Variants in EGFLAM observed in about 807,000 individuals in gnomAD.
EGFLAM encodes pikachurin.
In EGFLAM, 79 loss-of-function variants were observed where a neutral mutation model predicts 113.1. The ratio of observed to expected loss-of-function variants is 0.70; its 90% CI spans 0.58 to 0.84. The LOEUF is 0.84. Among genes scored for constraint, EGFLAM ranks in the 40% least tolerant of loss-of-function variants. EGFLAM has a pLI of 0.00. For synonymous variants in EGFLAM, 504 were observed against 487.6 expected (o/e 1.03, Z -0.44); for missense variants, 1,265 against 1,291.6 (o/e 0.98, Z 0.32).
At chr5:38,355,351 G>A (rs1054915432) in intron 5 of EGFLAM, among the ~76,000 whole-genome samples, 3 of 152,118 alleles carry the variant, frequency 2.0e-5, no homozygotes, top group African/African-American at 4.8e-5. Flanking sequence ...TATGATGAAG[G>A]GGGGAGTCTG....
chr5:38,407,943 C>T, intron 9 of EGFLAM, 38 bp downstream of exon 9: 1 of 1,457,414 alleles, frequency 6.9e-7, no homozygotes. Flanking sequence ...GCTTTTTGGA[C>T]ACTTTAACAC....
At chr5:38,439,895 A>G (rs1049682659) in intron 17 of EGFLAM, among the ~76,000 whole-genome samples, 1 of 152,234 alleles carries the variant, frequency 6.6e-6, no homozygotes, top group Admixed American at 6.5e-5. Context: ...CCGTATATCT[A>G]ACATTAATGG....
At position 38,376,835 on chromosome 5, in the gene EGFLAM, T is replaced by A. The variant is rs1740376926; in HGVS notation, c.712+6373T>A. ...ATAGGCACATACCATCACGCCTGACTAATTTTTGTATTTTTTGTAGAGACA... is the reference window on the plus strand; with the variant it reads ...ATAGGCACATACCATCACGCCTGACAAATTTTTGTATTTTTTGTAGAGACA... On this transcript the variant is annotated intron_variant, in intron 6 of 21. Transcript: ENST00000322350. Among the ~76,000 whole-genome samples, 4 of 152,078 alleles carry A rather than the reference T, an allele frequency of 2.6e-5. No individual in the cohort carries two copies. In the South Asian group the frequency reaches 8.3e-4, roughly 32 times the overall value.
intron 16 of EGFLAM, among the ~76,000 whole-genome samples, chr5:38,435,573 T>C (rs1479602597): frequency 6.6e-6 from 1 of 152,094 alleles, no homozygotes; most frequent in Non-Finnish European, 1.5e-5. Context: ...ACTTCCACAG[T>C]AGGGAAGGAG....
chr5:38,427,334 A>G, intron 14 of EGFLAM, 82 bp downstream of exon 14: 11 of 1,562,016 alleles, frequency 7.0e-6, no homozygotes, highest in Non-Finnish European at 9.5e-6. Context: ...ATCGCCATTC[A>G]ACAGCTCACA....
chr5:38,340,724 T>G (rs1273517905), intron 3 of EGFLAM, among the ~76,000 whole-genome samples: 1 of 152,004 alleles, frequency 6.6e-6, no homozygotes, highest in Non-Finnish European at 1.5e-5. Flanking sequence ...AAAGGCAGAC[T>G]CAAGGGAGGG....
At chr5:38,414,420 G>A (rs1160509210) in intron 11 of EGFLAM, among the ~76,000 whole-genome samples, 3 of 152,188 alleles carry the variant, frequency 2.0e-5, no homozygotes, top group Admixed American at 6.5e-5. Context: ...CGCTTAAAGT[G>A]GGGGAAGTTC....
intron 5 of EGFLAM, among the ~76,000 whole-genome samples, chr5:38,361,118 A>T (rs1450341062): frequency 6.6e-6 from 1 of 150,568 alleles, no homozygotes; most frequent in African/African-American, 2.4e-5. Flanking sequence ...CACCCACCTC[A>T]GCCTCCCAAA....
intron 6 of EGFLAM, among the ~76,000 whole-genome samples, chr5:38,381,595 T>C (rs1365099544): frequency 1.3e-5 from 2 of 152,172 alleles, no homozygotes; most frequent in African/African-American, 4.8e-5. Flanking sequence ...AGCTTAGTCA[T>C]GTGCTAATTG....
At chr5:38,326,801 AT>A (rs377427126) in intron 1 of EGFLAM, among the ~76,000 whole-genome samples, 3,531 of 134,392 alleles carry the variant, frequency 0.026, 123 homozygotes, top group African/African-American at 0.082. Context: ...CCGTAAGGGT[AT>A]TTTTTTTTTT....
At chr5:38,419,977 G>A (rs1741774040) in intron 12 of EGFLAM, among the ~76,000 whole-genome samples, 1 of 152,106 alleles carries the variant, frequency 6.6e-6, no homozygotes, top group African/African-American at 2.4e-5. Flanking sequence ...CAGTGAGCCA[G>A]GATTGTGCCA....
rs1741695891 is a variant in EGFLAM at position 38,417,681 on chromosome 5, G to A, written c.1495-385G>A. Among the ~76,000 whole-genome samples the A allele has an allele frequency of 2.0e-5, 3 of 151,420 alleles. No individual in the cohort carries two copies. In the South Asian group the frequency reaches 6.3e-4, roughly 32 times the overall value. On this transcript the variant is annotated intron_variant, in intron 11 of 21. Transcript: ENST00000322350. The stretch of plus-strand genomic sequence containing the variant: ...ATACAAAATTAGTATTATCACCTTT[G>A]GAGGCACAGAATAGCCCCCTAAGAT...
intron 10 of EGFLAM, among the ~76,000 whole-genome samples, chr5:38,411,209 C>G (rs1478396569): frequency 6.6e-6 from 1 of 152,070 alleles, no homozygotes; most frequent in Non-Finnish European, 1.5e-5. Context: ...GTGGGCGGAT[C>G]ACGAGGTCAG....
chr5:38,434,623 A>G (rs956067571), intron 15 of EGFLAM, among the ~76,000 whole-genome samples: 1 of 152,184 alleles, frequency 6.6e-6, no homozygotes, highest in African/African-American at 2.4e-5. Flanking sequence ...CATATCCACC[A>G]ATGGTTAGCT....
At chr5:38,458,725 A>C (rs1743171653) in intron 20 of EGFLAM, among the ~76,000 whole-genome samples, 3 of 152,160 alleles carry the variant, frequency 2.0e-5, no homozygotes, top group Admixed American at 2.0e-4. Flanking sequence ...TGACACCTGG[A>C]ATACCAGCAC....
intron 3 of EGFLAM, among the ~76,000 whole-genome samples, chr5:38,347,633 G>T (rs1739508690): frequency 6.6e-6 from 1 of 152,146 alleles, no homozygotes; most frequent in Admixed American, 6.5e-5. Flanking sequence ...GCATTGAATG[G>T]CATAAATTTG....
intron 17 of EGFLAM, among the ~76,000 whole-genome samples, chr5:38,442,141 C>T (rs1181853751): frequency 1.3e-5 from 2 of 151,490 alleles, no homozygotes; most frequent in African/African-American, 2.4e-5. Flanking sequence ...GTTTTAGGTC[C>T]CAGTGTATAT....
At chr5:38,401,369 T>G (rs1741107382) in intron 6 of EGFLAM, 1 of 152,236 alleles carries the variant, frequency 6.6e-6, no homozygotes, top group South Asian at 2.1e-4. Flanking sequence ...GACATTGAAC[T>G]AGAGTCATAT....
chr5:38,348,442 C>A (rs74877627), intron 3 of EGFLAM, among the ~76,000 whole-genome samples: 1 of 152,022 alleles, frequency 6.6e-6, no homozygotes, highest in Non-Finnish European at 1.5e-5. Flanking sequence ...TAGAAGGTGA[C>A]CATGGAAGAG....
Sources: gnomAD v4.1 joint callset for allele counts (sites outside exome capture counted in the v4.1 genomes callset) on GRCh38, gnomAD v4.1.1 for gene constraint, MANE v1.5 for transcripts, NCBI Gene and HGNC (gene_info 2026-07-23, HGNC 2026-07-21) for gene names.